GRIN2A: variants seen among roughly 807,000 people sequenced by gnomAD.
The protein encoded by GRIN2A is glutamate ionotropic receptor NMDA type subunit 2A, also known as glutamate receptor ionotropic, NMDA 2A.
GRIN2A carries 22 observed loss-of-function variants against 113.4 expected under a neutral mutation model. That is an observed-to-expected ratio of 0.19 (90% CI 0.14 to 0.28). The LOEUF is 0.28. GRIN2A is among the 10% of genes least tolerant of loss of function. The pLI is 1.00. For synonymous variants in GRIN2A, 827 were observed against 738.4 expected, an observed-to-expected ratio of 1.12 and a Z score of -1.94; for missense variants, 1,502 against 1,887.0, an observed-to-expected ratio of 0.80 and a Z score of 3.78.
At chr16:10,138,898 G>T (rs1306221965) in intron 2 of GRIN2A, among the ~76,000 whole-genome samples, 1 of 152,188 alleles carries the variant, frequency 6.6e-6, no homozygotes, top group Non-Finnish European at 1.5e-5. Flanking sequence ...AATGATGAGT[G>T]AATTAAGTGC....
At chr16:9,804,292 C>A (rs547786777) in intron 10 of GRIN2A, among the ~76,000 whole-genome samples, 1 of 152,104 alleles carries the variant, frequency 6.6e-6, no homozygotes, top group East Asian at 1.9e-4. Flanking sequence ...CTCAGAGTGA[C>A]GTGTTAGGCT....
In GRIN2A at chr16:9,861,440, G is replaced by A. The variant is rs529660959; in HGVS notation, c.1123-11479C>T. On this transcript the variant is annotated intron_variant, in intron 4 of 12. Transcript: ENST00000330684. ...CATGGATTAGCATCACTTCCATGCC[G>A]CTGAATGCACATCTGACACACAAAC... is the stretch of plus-strand genomic sequence containing the variant. Among the ~76,000 whole-genome samples, 3 of 151,708 alleles carry A rather than the reference G, an allele frequency of 2.0e-5. No individual in the cohort carries two copies. In the East Asian group the frequency reaches 5.8e-4, roughly 29 times the overall value.
intron 2 of GRIN2A, among the ~76,000 whole-genome samples, chr16:10,038,106 A>G (rs1251905330): frequency 6.6e-6 from 1 of 152,166 alleles, no homozygotes; most frequent in Admixed American, 6.5e-5. Flanking sequence ...TCAGTTCCAG[A>G]GGTTGGGAAG....
intron 2 of GRIN2A, among the ~76,000 whole-genome samples, chr16:10,091,116 A>G (rs1052842419): frequency 6.6e-6 from 1 of 152,194 alleles, no homozygotes; most frequent in Non-Finnish European, 1.5e-5. Flanking sequence ...TGGTGCAACT[A>G]CCTGTGAAAA....
chr16:9,947,499 G>C (rs2045046929), intron 2 of GRIN2A, among the ~76,000 whole-genome samples: 1 of 152,188 alleles, frequency 6.6e-6, no homozygotes. Flanking sequence ...GGAGTGTCTT[G>C]GGCTTTCCCA....
intron 3 of GRIN2A, among the ~76,000 whole-genome samples, chr16:9,923,962 A>G (rs1037100295): frequency 1.3e-5 from 2 of 151,976 alleles, no homozygotes; most frequent in Non-Finnish European, 2.9e-5. Flanking sequence ...CCTCATCTCT[A>G]CTAAAAATAC....
intron 3 of GRIN2A, among the ~76,000 whole-genome samples, chr16:9,936,248 CT>C (rs2044711977): frequency 6.6e-6 from 1 of 152,180 alleles, no homozygotes. Flanking sequence ...ATTAGAAACT[CT>C]GAGATTGAGG....
chr16:10,018,628 C>A (rs1018962551), intron 2 of GRIN2A, among the ~76,000 whole-genome samples: 1 of 152,108 alleles, frequency 6.6e-6, no homozygotes, highest in Non-Finnish European at 1.5e-5. Flanking sequence ...TGATGCTGCA[C>A]GAGGGAAACT....
rs970295279 is a variant in GRIN2A at position 10,083,407 on chromosome 16, C to A, written c.414+96591G>T. Among the ~76,000 whole-genome samples the A allele has an allele frequency of 5.3e-5, 8 of 152,334 alleles. No homozygotes were observed. The East Asian group carries it at 1.5e-3, about 29-fold the overall frequency. ...GTGCATGGCTGGGTTTAAATGGTGA[C>A]CTTTGAGTAAAGCCAGTTTGATCTC... On this transcript the variant is annotated intron_variant, in intron 2 of 12. Transcript: ENST00000330684.
At chr16:9,901,399 A>G (rs1299158038) in intron 3 of GRIN2A, among the ~76,000 whole-genome samples, 1 of 152,176 alleles carries the variant, frequency 6.6e-6, no homozygotes, top group Non-Finnish European at 1.5e-5. Context: ...TAACATTCCT[A>G]ACTCCACTTA....
At chr16:9,965,631 T>C (rs2045542243) in intron 2 of GRIN2A, among the ~76,000 whole-genome samples, 1 of 152,212 alleles carries the variant, frequency 6.6e-6, no homozygotes, top group African/African-American at 2.4e-5. Flanking sequence ...CCATCTCTGA[T>C]GTCCAGTCCA....
intron 11 of GRIN2A, among the ~76,000 whole-genome samples, chr16:9,786,499 C>T (rs1378363270): frequency 1.3e-5 from 2 of 152,032 alleles, no homozygotes; most frequent in Non-Finnish European, 2.9e-5. Context: ...GTGATTTTGC[C>T]CAGTACCTTC....
intron 2 of GRIN2A, among the ~76,000 whole-genome samples, chr16:9,986,012 TG>T (rs962871994): frequency 6.6e-6 from 1 of 152,184 alleles, no homozygotes; most frequent in Non-Finnish European, 1.5e-5. Context: ...CATTTTTAAC[TG>T]ATATTTTATA....
At chr16:10,121,846 G>A (rs1178334651) in intron 2 of GRIN2A, among the ~76,000 whole-genome samples, 1 of 152,068 alleles carries the variant, frequency 6.6e-6, no homozygotes, top group African/African-American at 2.4e-5. Context: ...CACTGGCCTT[G>A]GCTAATTTTA....
intron 11 of GRIN2A, among the ~76,000 whole-genome samples, chr16:9,774,291 C>A (rs1901468798): frequency 1.3e-5 from 2 of 152,184 alleles, no homozygotes; most frequent in African/African-American, 4.8e-5. Flanking sequence ...GTAGAAAACA[C>A]TAGAATGAGA....
Position 10,090,111 on chromosome 16 carries a change from G to A in GRIN2A, c.414+89887C>T, listed in dbSNP as rs947324382. ...TTATATGAGGTGCTAAAGACACAAC[G>A]GTGACCAAGACACAGTCTACTGGTC... On this transcript the variant is annotated intron_variant, in intron 2 of 12. Transcript: ENST00000330684. 6.6e-5 allele frequency among the ~76,000 whole-genome samples: 10 copies of A among 152,044 alleles called. No individual in the cohort carries two copies. In the East Asian group the frequency reaches 1.5e-3, roughly 23 times the overall value.
intron 2 of GRIN2A, among the ~76,000 whole-genome samples, chr16:10,109,917 ATACTTT>A (rs958540799): frequency 4.7e-4 from 72 of 152,090 alleles, no homozygotes; most frequent in African/African-American, 1.5e-3. Context: ...TATTATTATT[ATACTTT>A]AAGTTTTAGG....
intron 2 of GRIN2A, among the ~76,000 whole-genome samples, chr16:9,968,549 G>A (rs1345219869): frequency 1.3e-5 from 2 of 152,088 alleles, no homozygotes; most frequent in African/African-American, 2.4e-5. Context: ...CTGACCTCAG[G>A]TGATCCACCC....
chr16:10,115,961 G>T (rs115138981), intron 2 of GRIN2A, among the ~76,000 whole-genome samples: 3 of 152,018 alleles, frequency 2.0e-5, no homozygotes, highest in African/African-American at 7.3e-5. Flanking sequence ...CAGCAATCCC[G>T]TTACAGGGTA....
Sources: allele counts gnomAD v4.1 joint callset (sites outside exome capture counted in the v4.1 genomes callset), GRCh38; gene constraint gnomAD v4.1.1; transcripts MANE v1.5; gene names NCBI Gene and HGNC (gene_info 2026-07-23, HGNC 2026-07-21).